SCFD2: variants seen among roughly 807,000 people sequenced by gnomAD.
SCFD2 encodes sec1 family domain containing 2, also known as sec1 family domain-containing protein 2.
SCFD2 carries 54 observed loss-of-function variants against 58.9 expected under a neutral mutation model. The observed-to-expected ratio is 0.92, with a 90% CI of 0.74 to 1.15. The LOEUF is 1.15. SCFD2 is among the 50% of genes most tolerant of loss of function. The pLI is 0.00. For synonymous variants in SCFD2, 321 were observed against 335.9 expected (o/e 0.96, Z 0.49); for missense variants, 805 against 836.6 (o/e 0.96, Z 0.47).
At chr4:53,119,126 C>T (rs1484184107) in intron 5 of SCFD2, among the ~76,000 whole-genome samples, 1 of 151,912 alleles carries the variant, frequency 6.6e-6, no homozygotes, top group African/African-American at 2.4e-5. Flanking sequence ...GAGACCAGCC[C>T]GGCCAACATA....
intron 4 of SCFD2, among the ~76,000 whole-genome samples, chr4:53,172,301 C>G (rs933150207): frequency 1.3e-5 from 2 of 152,136 alleles, no homozygotes; most frequent in South Asian, 2.1e-4. Context: ...CCACACCTGG[C>G]CCTGTCATTG....
chr4:53,313,929 T>C (rs1225159900), intron 2 of SCFD2, among the ~76,000 whole-genome samples, 166 bp from the exon 3 acceptor site: 1 of 152,102 alleles, frequency 6.6e-6, no homozygotes, highest in Non-Finnish European at 1.5e-5. Flanking sequence ...ATTCACATAA[T>C]TGGCAGAAAA....
chr4:53,330,659 C>G lies in SCFD2; in HGVS notation c.1008-16896G>C, dbSNP rs539810058. 5.3e-5 allele frequency among the ~76,000 whole-genome samples: 8 copies of G among 151,984 alleles called. No individual in the cohort carries two copies. The South Asian group carries it at 1.7e-3, about 32-fold the overall frequency. On this transcript the variant is annotated intron_variant, in intron 2 of 8. Transcript: ENST00000401642. ...CAAAATCATGCCAAAATGTAAAGAC[C>G]ATCGAGACTAGGAAGAAACTGCATC...
At chr4:52,888,079 T>A (rs968064142) in intron 7 of SCFD2, among the ~76,000 whole-genome samples, 2 of 151,456 alleles carry the variant, frequency 1.3e-5, no homozygotes, top group African/African-American at 4.9e-5. Flanking sequence ...CCCGGCTAAT[T>A]TTTTGTATTT....
chr4:52,895,460 T>G (rs1278934313), intron 7 of SCFD2, among the ~76,000 whole-genome samples: 1 of 152,172 alleles, frequency 6.6e-6, no homozygotes, highest in African/African-American at 2.4e-5. Flanking sequence ...CTGAGAATGA[T>G]GGTTTCCAGC....
intron 5 of SCFD2, among the ~76,000 whole-genome samples, chr4:52,930,565 G>A (rs748050799): frequency 1.3e-5 from 2 of 151,974 alleles, no homozygotes; most frequent in African/African-American, 2.4e-5. Flanking sequence ...CGAAAACAAC[G>A]AAATAACCCC....
chr4:53,345,281 G>A (rs972583040), intron 2 of SCFD2, among the ~76,000 whole-genome samples: 2 of 152,104 alleles, frequency 1.3e-5, no homozygotes, highest in African/African-American at 4.8e-5. Context: ...CAAAAAGTGG[G>A]CAACGGATAT....
At chr4:53,176,643 G>A (rs1727339066) in intron 4 of SCFD2, among the ~76,000 whole-genome samples, 1 of 152,136 alleles carries the variant, frequency 6.6e-6, no homozygotes, top group African/African-American at 2.4e-5. Context: ...CTGACAGTTG[G>A]GTGGGTCAGA....
intron 2 of SCFD2, among the ~76,000 whole-genome samples, chr4:53,349,414 C>T (rs2149160118): frequency 6.6e-6 from 1 of 152,358 alleles, no homozygotes; most frequent in East Asian, 1.9e-4. Flanking sequence ...CTTGGCAAGG[C>T]CACCTTCCAC....
chr4:53,078,890 A>C (rs748541443), intron 5 of SCFD2, among the ~76,000 whole-genome samples: 1 of 152,226 alleles, frequency 6.6e-6, no homozygotes, highest in Admixed American at 6.5e-5. Flanking sequence ...CAAAACCAAC[A>C]GTCCATACCA....
At chr4:53,103,768 TAAAAAAAAAAA>T (rs35959095) in intron 5 of SCFD2, among the ~76,000 whole-genome samples, 1 of 34,028 alleles carries the variant, frequency 2.9e-5, no homozygotes, top group Non-Finnish European at 4.9e-5. Context: ...AGTAAGGAAG[TAAAAAAAAAAA>T]AAAAAAAAAA....
intron 6 of SCFD2, among the ~76,000 whole-genome samples, chr4:52,918,983 T>C (rs1240858959): frequency 2.6e-5 from 4 of 152,144 alleles, no homozygotes; most frequent in Non-Finnish European, 4.4e-5. Flanking sequence ...CTTAGGATTG[T>C]TGGGAGTGTG....
At chr4:52,890,956 T>C (rs1352850306) in intron 7 of SCFD2, among the ~76,000 whole-genome samples, 1 of 152,162 alleles carries the variant, frequency 6.6e-6, no homozygotes, top group African/African-American at 2.4e-5. Flanking sequence ...TTTCTCTTTA[T>C]TTGTGACTCA....
At chr4:52,982,989 C>G (rs1484055385) in intron 5 of SCFD2, among the ~76,000 whole-genome samples, 1 of 152,150 alleles carries the variant, frequency 6.6e-6, no homozygotes, top group Non-Finnish European at 1.5e-5. Context: ...ATTCTCTAAC[C>G]TCTCAGAGAG....
At chr4:53,031,176 G>A (rs1273988482) in intron 5 of SCFD2, among the ~76,000 whole-genome samples, 2 of 152,080 alleles carry the variant, frequency 1.3e-5, no homozygotes, top group Non-Finnish European at 2.9e-5. Flanking sequence ...CCAGCAGACT[G>A]GCAGCAGAAG....
chr4:53,044,459 A>G (rs1722975911), intron 5 of SCFD2, among the ~76,000 whole-genome samples: 2 of 150,720 alleles, frequency 1.3e-5, no homozygotes, highest in East Asian at 3.9e-4. Context: ...ATCAACAGAC[A>G]CTTTTTGGGG....
intron 5 of SCFD2, among the ~76,000 whole-genome samples, chr4:52,970,258 C>A (rs987229036): frequency 6.6e-6 from 1 of 152,226 alleles, no homozygotes; most frequent in African/African-American, 2.4e-5. Context: ...CAGGGAATTC[C>A]CTTTCCTAGT....
At chr4:53,295,774 T>G (rs140374777) in intron 3 of SCFD2, among the ~76,000 whole-genome samples, 1 of 152,230 alleles carries the variant, frequency 6.6e-6, no homozygotes, top group Non-Finnish European at 1.5e-5. Context: ...GCTGTGGGTA[T>G]GTCATAAATA....
At chr4:53,217,508 C>G (rs1728889221) in intron 4 of SCFD2, among the ~76,000 whole-genome samples, 1 of 152,154 alleles carries the variant, frequency 6.6e-6, no homozygotes, top group South Asian at 2.1e-4. Flanking sequence ...GATCTTCCTC[C>G]ATCCCTTTAT....
Sources: gnomAD v4.1 joint callset for allele counts (sites outside exome capture counted in the v4.1 genomes callset) on GRCh38, gnomAD v4.1.1 for gene constraint, MANE v1.5 for transcripts, NCBI Gene and HGNC (gene_info 2026-07-23, HGNC 2026-07-21) for gene names.